The following SLC8A2 variants were observed in gnomAD, a reference collection of about 807,000 sequenced individuals.
SLC8A2 encodes solute carrier family 8 member A2.
SLC8A2 carries 14 observed loss-of-function variants against 70.2 expected under a neutral mutation model. The ratio of observed to expected loss-of-function variants is 0.20; its 90% CI spans 0.13 to 0.31. SLC8A2 has a LOEUF of 0.31. Ranked by LOEUF, SLC8A2 falls within the 10% of genes least tolerant of loss-of-function variation. SLC8A2 has a pLI of 1.00. For synonymous variants in SLC8A2, 575 were observed against 594.3 expected, an observed-to-expected ratio of 0.97 and a Z score of 0.47; for missense variants, 779 against 1,320.1, an observed-to-expected ratio of 0.59 and a Z score of 6.35.
chr19:47,466,481 T>C lies in SLC8A2; in HGVS notation c.-16-62A>G, dbSNP rs1376463321. ...CAAACCTCTTTCTGTCATACAAAGG[T>C]CAAAGCTCACTGGGGAAGGAGGGTT... On this transcript the variant is annotated intron_variant, in intron 1 of 9. Transcript: ENST00000236877. This position sits in a 1 kb window ranked among gnomAD's most constrained non-coding sequence, Gnocchi z 6.9. 4 of 623,866 alleles carry C rather than the reference T, an allele frequency of 6.4e-6. No individual in the cohort carries two copies. The highest frequency in any genetic ancestry group is 1.1e-5 in the Non-Finnish European group (4 of 363,210). The allele number at this position is 623,866 out of a possible 1,614,324, so 38.6% of individuals were successfully genotyped here.
chr19:47,450,845 TGAG>T, intron 3 of SLC8A2, among the ~76,000 whole-genome samples: 1 of 152,002 alleles, frequency 6.6e-6, no homozygotes, highest in East Asian at 1.9e-4. Flanking sequence ...GGCGCTGTGG[TGAG>T]GACTGAATTG....
At chr19:47,440,158 A>G (rs1022436089) in intron 6 of SLC8A2, among the ~76,000 whole-genome samples, 2 of 151,976 alleles carry the variant, frequency 1.3e-5, no homozygotes, top group African/African-American at 4.8e-5. Flanking sequence ...TCTTACTCCA[A>G]TCTCTGACCT....
chr19:47,437,821 C>G, intron 7 of SLC8A2, 28 bp downstream of exon 7: 1 of 1,613,738 alleles, frequency 6.2e-7, no homozygotes, highest in Non-Finnish European at 8.5e-7. Context: ...AGGCTGGACT[C>G]CAGGAAGGTG....
At chr19:47,459,943 C>T (rs1967373339) in intron 2 of SLC8A2, among the ~76,000 whole-genome samples, 1 of 152,090 alleles carries the variant, frequency 6.6e-6, no homozygotes, top group East Asian at 1.9e-4. Flanking sequence ...AGACAATCCC[C>T]ACCCTGTGGT....
chr19:47,469,371 G>C (rs1019097501), intron 1 of SLC8A2, among the ~76,000 whole-genome samples: 1 of 152,252 alleles, frequency 6.6e-6, no homozygotes, highest in African/African-American at 2.4e-5. Flanking sequence ...CGGGAGTCAG[G>C]AATTCTTCTA....
At chr19:47,452,365 T>C (rs1376324803) in intron 3 of SLC8A2, among the ~76,000 whole-genome samples, 1 of 145,694 alleles carries the variant, frequency 6.9e-6, no homozygotes, top group Non-Finnish European at 1.5e-5. Context: ...CAGGCACATG[T>C]TACCATGCCC....
Position 47,466,529 on chromosome 19 carries a change from G to A in SLC8A2, c.-16-110C>T. On this transcript the variant is annotated intron_variant, in intron 1 of 9. Coordinates refer to ENST00000236877, the MANE Select transcript of SLC8A2 (RefSeq NM_015063.3). The surrounding 1 kb of genome is among the most constrained non-coding windows in gnomAD (Gnocchi z 6.9). Reference sequence around the variant, plus strand: ...GTTGGGGGAGAAGCTGAGGACCAATGCAGGCAGGATGGGGACTGAGGGCGA... The same window carrying A: ...GTTGGGGGAGAAGCTGAGGACCAATACAGGCAGGATGGGGACTGAGGGCGA... The A allele has an allele frequency of 1.7e-6, 1 of 575,582 alleles. No individual in the cohort carries two copies. The highest frequency in any genetic ancestry group is 2.3e-5 in the South Asian group (1 of 43,466). 35.7% of individuals were successfully genotyped at this position (575,582 alleles called of 1,614,324 possible). A position where few individuals can be genotyped will look rare whatever the true frequency, so the allele number is the denominator to read the frequency against.
chr19:47,469,119 C>CGTGTGCGT (rs1555751495), intron 1 of SLC8A2, among the ~76,000 whole-genome samples: 17 of 143,162 alleles, frequency 1.2e-4, no homozygotes, highest in Non-Finnish European at 1.8e-4. Context: ...TGCCTGTGTG[C>CGTGTGCGT]GTGTGTGTGT....
At chr19:47,433,479 T>G (rs2122612394) in intron 8 of SLC8A2, among the ~76,000 whole-genome samples, 1 of 152,338 alleles carries the variant, frequency 6.6e-6, no homozygotes, top group South Asian at 2.1e-4. Flanking sequence ...TGTGAGTGAC[T>G]ATCTGACCCA....
intron 3 of SLC8A2, among the ~76,000 whole-genome samples, chr19:47,456,005 A>G (rs750162042): frequency 6.6e-6 from 1 of 152,162 alleles, no homozygotes; most frequent in Non-Finnish European, 1.5e-5. Flanking sequence ...TCAAGTTTTT[A>G]TATGTTTAGT....
intron 6 of SLC8A2, among the ~76,000 whole-genome samples, chr19:47,439,203 C>T (rs143560878): frequency 2.2e-4 from 33 of 152,278 alleles, no homozygotes; most frequent in African/African-American, 7.7e-4. Flanking sequence ...CAGAAGAAAG[C>T]CACCCACCAA....
intron 1 of SLC8A2, among the ~76,000 whole-genome samples, chr19:47,470,916 G>A (rs1043075158): frequency 6.6e-6 from 1 of 152,060 alleles, no homozygotes. Flanking sequence ...GCTGAAGTGG[G>A]GAGAGGAGTT....
intron 3 of SLC8A2, among the ~76,000 whole-genome samples, chr19:47,452,324 C>T (rs2122636055): frequency 6.6e-6 from 1 of 151,044 alleles, no homozygotes; most frequent in South Asian, 2.1e-4. Flanking sequence ...AAGCGATTCC[C>T]CTACCTCTGC....
At chr19:47,449,729 C>T (rs569084660) in intron 3 of SLC8A2, among the ~76,000 whole-genome samples, 7 of 152,216 alleles carry the variant, frequency 4.6e-5, no homozygotes, top group East Asian at 1.9e-4. Context: ...GTCACCTCTT[C>T]GAGGAACTGC....
chr19:47,451,260 G>A (rs1026861384), intron 3 of SLC8A2, among the ~76,000 whole-genome samples: 2 of 151,432 alleles, frequency 1.3e-5, no homozygotes, highest in Admixed American at 6.6e-5. Flanking sequence ...TGCCAGCCTC[G>A]GCCTCCCAAA....
chr19:47,459,833 C>T (rs1206508338), intron 2 of SLC8A2, among the ~76,000 whole-genome samples: 1 of 152,106 alleles, frequency 6.6e-6, no homozygotes, highest in Non-Finnish European at 1.5e-5. Context: ...TCTTTCTCTC[C>T]TAGTCTCTTC....
At chr19:47,455,016 G>A (rs555514465) in intron 3 of SLC8A2, among the ~76,000 whole-genome samples, 1 of 152,110 alleles carries the variant, frequency 6.6e-6, no homozygotes, top group East Asian at 1.9e-4. Context: ...GAACCTGGAA[G>A]GTGAAGGTTG....
chr19:47,462,118 G>A (rs1967402754), intron 2 of SLC8A2, among the ~76,000 whole-genome samples: 1 of 152,020 alleles, frequency 6.6e-6, no homozygotes, highest in African/African-American at 2.4e-5. Flanking sequence ...ATCCGCACGG[G>A]ACAGTCCCAC....
intron 1 of SLC8A2, among the ~76,000 whole-genome samples, chr19:47,470,563 G>T (rs531757139): frequency 1.3e-5 from 2 of 152,228 alleles, no homozygotes; most frequent in Non-Finnish European, 2.9e-5. Context: ...AAGTGAGACT[G>T]CAGGAAGGAC....
Sources: gnomAD v4.1 joint callset for allele counts (sites outside exome capture counted in the v4.1 genomes callset) on GRCh38, gnomAD v4.1.1 for gene constraint, Gnocchi (gnomAD v3.1) non-coding constraint, MANE v1.5 for transcripts, NCBI Gene and HGNC (gene_info 2026-07-23, HGNC 2026-07-21) for gene names.